Variants in HCN1 observed in about 807,000 individuals in gnomAD.
The protein encoded by HCN1 is hyperpolarization activated cyclic nucleotide gated potassium channel 1.
In HCN1, 13 loss-of-function variants were observed where a neutral mutation model predicts 78.9. The observed-to-expected ratio is 0.16, with a 90% confidence interval of 0.11 to 0.26. The LOEUF (loss-of-function observed/expected upper bound fraction) is 0.26, where lower values mean the gene tolerates loss of function less well. Among genes scored for constraint, HCN1 ranks in the 10% least tolerant of loss-of-function variants. The pLI is 1.00. For synonymous variants in HCN1, 552 were observed against 455.5 expected (o/e 1.21, Z -2.70); for missense variants, 810 against 1,154.3 (o/e 0.70, Z 4.32).
chr5:45,538,524 T>C lies in HCN1; in HGVS notation c.850-76517A>G, dbSNP rs184212861. ...TCTAAATCATTTGCCCAAGGTTACA[T>C]AGTAAGTAAGTGATGGAACTAGGAT... On this transcript the variant is annotated intron_variant, in intron 2 of 7. Coordinates refer to ENST00000303230, the MANE Select transcript of HCN1 (RefSeq NM_021072.4). 1.6e-4 allele frequency among the ~76,000 whole-genome samples: 24 copies of C among 152,276 alleles called. No individual in the cohort carries two copies. In the East Asian group the frequency reaches 2.7e-3, roughly 17 times the overall value.
intron 5 of HCN1, among the ~76,000 whole-genome samples, chr5:45,330,718 T>C (rs1333694311): frequency 6.6e-6 from 1 of 151,070 alleles, no homozygotes; most frequent in East Asian, 1.9e-4. Context: ...ATACAATGTT[T>C]TATAGATTGT....
At position 45,517,532 on chromosome 5, in the gene HCN1, A is replaced by AAAAC. The variant is rs1554030349; in HGVS notation, c.850-55526_850-55525insGTTT. On this transcript the variant is annotated intron_variant, in intron 2 of 7. Coordinates refer to ENST00000303230, the MANE Select transcript of HCN1 (RefSeq NM_021072.4). The stretch of plus-strand genomic sequence containing the variant: ...CCCAATTTCCCCTTAAAAAAAAAAA[A>AAAAC]AAAAAAAAAAAACATGATTTCACTG... 4.0e-5 allele frequency among the ~76,000 whole-genome samples: 6 copies of AAAAC among 150,604 alleles called. No individual in the cohort carries two copies. In the South Asian group the frequency reaches 1.0e-3, roughly 26 times the overall value.
chr5:45,580,502 T>G (rs1442829575), intron 2 of HCN1, among the ~76,000 whole-genome samples: 2 of 152,096 alleles, frequency 1.3e-5, no homozygotes, highest in Non-Finnish European at 2.9e-5. Flanking sequence ...ATCAGACTTC[T>G]GATCTACAGA....
At chr5:45,324,110 G>C (rs963457873) in intron 5 of HCN1, among the ~76,000 whole-genome samples, 1 of 151,760 alleles carries the variant, frequency 6.6e-6, no homozygotes, top group African/African-American at 2.4e-5. Context: ...GGTATTTCTA[G>C]TTCTAGATCC....
chr5:45,610,488 C>T (rs1041998630), intron 2 of HCN1, among the ~76,000 whole-genome samples: 1 of 150,134 alleles, frequency 6.7e-6, no homozygotes, highest in Non-Finnish European at 1.5e-5. Context: ...TATGTGTGTA[C>T]ATTTATATCT....
intron 4 of HCN1, among the ~76,000 whole-genome samples, chr5:45,385,303 C>T (rs535265363): frequency 3.0e-4 from 46 of 152,092 alleles, no homozygotes; most frequent in African/African-American, 1.1e-3. Flanking sequence ...ACCACTGTAA[C>T]TGCATAAAGA....
Position 45,375,437 on chromosome 5 carries a change from T to C in HCN1, c.1230+21055A>G, listed in dbSNP as rs570496870. On this transcript the variant is annotated intron_variant, in intron 4 of 7. Transcript: ENST00000303230. ...ATCATATTTTATGATACATATTATA[T>C]ATAAGATCATATTTTATGATACATA... is the stretch of plus-strand genomic sequence containing the variant. Among the ~76,000 whole-genome samples the C allele has an allele frequency of 1.0e-4, 12 of 116,262 alleles. No homozygotes were observed. In the South Asian group the frequency reaches 3.0e-3, roughly 29 times the overall value. 76.3% of individuals were successfully genotyped at this position (116,262 alleles called of 152,430 possible).
chr5:45,619,280 A>C (rs79885577), intron 2 of HCN1, among the ~76,000 whole-genome samples: 2,526 of 152,190 alleles, frequency 0.017, 65 homozygotes, highest in African/African-American at 0.057. Context: ...CAATGAGCGT[A>C]TCTGGCACCC....
At chr5:45,357,692 T>C (rs1747028450) in intron 4 of HCN1, among the ~76,000 whole-genome samples, 1 of 152,084 alleles carries the variant, frequency 6.6e-6, no homozygotes, top group Non-Finnish European at 1.5e-5. Context: ...CCTTTCCCTA[T>C]GTGTGTATGT....
chr5:45,622,394 C>A (rs6893773), intron 2 of HCN1, among the ~76,000 whole-genome samples: 76,412 of 151,970 alleles, frequency 0.5, 20,600 homozygotes, highest in African/African-American at 0.7. Context: ...ATGAAAGATA[C>A]AAGGTACTAA....
intron 6 of HCN1, among the ~76,000 whole-genome samples, chr5:45,296,580 T>C (rs1745498999): frequency 6.6e-6 from 1 of 151,754 alleles, no homozygotes; most frequent in African/African-American, 2.4e-5. Flanking sequence ...AAGAAAGCAA[T>C]TTAAGCTCAA....
At chr5:45,576,025 G>T (rs1743934898) in intron 2 of HCN1, 1 of 152,060 alleles carries the variant, frequency 6.6e-6, no homozygotes, top group Non-Finnish European at 1.5e-5. Flanking sequence ...TGATTGATGG[G>T]AGGAGGTCAA....
intron 5 of HCN1, among the ~76,000 whole-genome samples, chr5:45,330,883 T>C (rs1746330230): frequency 6.6e-6 from 1 of 151,196 alleles, no homozygotes; most frequent in African/African-American, 2.4e-5. Context: ...TGCTTAATAT[T>C]GAGATAATTT....
intron 2 of HCN1, among the ~76,000 whole-genome samples, chr5:45,603,626 T>C (rs1036647545): frequency 6.6e-6 from 1 of 152,104 alleles, no homozygotes; most frequent in Non-Finnish European, 1.5e-5. Context: ...AGGCTTCCTG[T>C]ATCCAATTCA....
chr5:45,424,676 T>TTA (rs1345885107), intron 3 of HCN1, among the ~76,000 whole-genome samples: 1 of 152,180 alleles, frequency 6.6e-6, no homozygotes, highest in African/African-American at 2.4e-5. Flanking sequence ...CACTTTCCTA[T>TTA]TATATATATT....
intron 2 of HCN1, among the ~76,000 whole-genome samples, chr5:45,620,980 C>A (rs1009411801): frequency 6.6e-6 from 1 of 152,086 alleles, no homozygotes; most frequent in Non-Finnish European, 1.5e-5. Flanking sequence ...ATAATCCAAT[C>A]CTCTGATTAT....
chr5:45,512,934 G>A (rs530088363), intron 2 of HCN1, among the ~76,000 whole-genome samples: 9 of 152,024 alleles, frequency 5.9e-5, no homozygotes, highest in East Asian at 3.9e-4. Flanking sequence ...ATTTATCAAC[G>A]CCCATTTACT....
intron 4 of HCN1, among the ~76,000 whole-genome samples, chr5:45,376,236 C>CTATATAGTCTATATAGAATATAGAA (rs1443601098): frequency 3.6e-5 from 1 of 27,950 alleles, no homozygotes. Context: ...AATATATATT[C>CTATATAGTCTATATAGAATATAGAA]TATATATTCT....
At chr5:45,603,049 C>CT (rs1390356578) in intron 2 of HCN1, among the ~76,000 whole-genome samples, 1 of 152,078 alleles carries the variant, frequency 6.6e-6, no homozygotes, top group African/African-American at 2.4e-5. Flanking sequence ...TATCTTTCAA[C>CT]TAATTATTTC....
Sources: allele counts gnomAD v4.1 joint callset (sites outside exome capture counted in the v4.1 genomes callset), GRCh38; gene constraint gnomAD v4.1.1; transcripts MANE v1.5; gene names NCBI Gene and HGNC (gene_info 2026-07-23, HGNC 2026-07-21).